The following EZH1 variants were observed in gnomAD, a reference collection of about 807,000 sequenced individuals.
EZH1 encodes histone-lysine N-methyltransferase EZH1.
In EZH1, 33 loss-of-function variants were observed where a neutral mutation model predicts 100.5. That is an observed-to-expected ratio of 0.33 (90% confidence interval 0.25 to 0.44). The LOEUF is 0.44. Ranked by LOEUF, EZH1 falls within the 20% of genes least tolerant of loss-of-function variation. The pLI is 1.00. For missense variants in EZH1, 475 were observed against 928.4 expected (o/e 0.51, Z 6.35); for synonymous variants, 272 against 313.8 (o/e 0.87, Z 1.41).
chr17:42,708,173 G>GATT, intron 14 of EZH1, 90 bp from the exon 15 acceptor site: 1 of 1,453,762 alleles, frequency 6.9e-7, no homozygotes, highest in Non-Finnish European at 9.2e-7. Flanking sequence ...ATTCAGAGGA[G>GATT]GCTGGTCCTA....
chr17:42,737,067 C>A (rs1194057960), intron 1 of EZH1, among the ~76,000 whole-genome samples: 1 of 149,340 alleles, frequency 6.7e-6, no homozygotes, highest in South Asian at 2.1e-4. Context: ...CTCACTGCAA[C>A]CTCCACCTTC....
Position 42,709,052 on chromosome 17 carries a change from C to T in EZH1, c.1494-136G>A, listed in dbSNP as rs116765564. ...TATCTTCCCAAACCCCTCAACAGGA[C>T]GACTTTGGTACACAGAAGCTAGAGT... On this transcript the variant is annotated intron_variant, in intron 13 of 20. Coordinates refer to ENST00000428826, the MANE Select transcript of EZH1 (RefSeq NM_001991.5). The T allele has an allele frequency of 3.0e-4, 269 of 909,958 alleles. 2 individuals are homozygous for T. The highest frequency in any genetic ancestry group is 2.6e-3 in the African/African-American group (162 of 61,288). 56.4% of individuals were successfully genotyped at this position (909,958 alleles called of 1,614,324 possible).
chr17:42,708,586 C>T (rs538413364), intron 14 of EZH1, among the ~76,000 whole-genome samples: 17 of 152,188 alleles, frequency 1.1e-4, no homozygotes, highest in African/African-American at 3.4e-4. Flanking sequence ...ACCCGGGAGG[C>T]GGAGGTTGCA....
At chr17:42,729,066 T>C in intron 2 of EZH1, 114 bp from the exon 3 acceptor site, 1 of 1,135,564 alleles carries the variant, frequency 8.8e-7, no homozygotes, top group Non-Finnish European at 1.2e-6. Flanking sequence ...AATTTACTCA[T>C]AAAAACACAC....
intron 1 of EZH1, among the ~76,000 whole-genome samples, chr17:42,740,548 CTA>C (rs1597872488): frequency 1.3e-5 from 2 of 152,090 alleles, no homozygotes. Context: ...CAAGATCTTG[CTA>C]TGTTTCCCAG....
intron 4 of EZH1, among the ~76,000 whole-genome samples, chr17:42,725,517 G>T (rs2053802130): frequency 6.6e-6 from 1 of 151,778 alleles, no homozygotes. Context: ...CTGGACTCAA[G>T]CAATCATCCT....
At chr17:42,740,457 C>T (rs764071081) in intron 1 of EZH1, among the ~76,000 whole-genome samples, 1 of 152,140 alleles carries the variant, frequency 6.6e-6, no homozygotes, top group Non-Finnish European at 1.5e-5. Context: ...AGGATGATCT[C>T]GATCTCTTGA....
At chr17:42,736,524 A>G (rs763475248) in intron 1 of EZH1, among the ~76,000 whole-genome samples, 1 of 152,204 alleles carries the variant, frequency 6.6e-6, no homozygotes, top group Non-Finnish European at 1.5e-5. Context: ...CATTCACACC[A>G]CATCTCAAGA....
chr17:42,717,893 A>AC, intron 10 of EZH1, 83 bp downstream of exon 10: 1 of 1,205,264 alleles, frequency 8.3e-7, no homozygotes, highest in Non-Finnish European at 1.2e-6. Flanking sequence ...GTGCTATATG[A>AC]CCCCCAGAGT....
chr17:42,711,479 AC>A (rs2143747861), intron 12 of EZH1, among the ~76,000 whole-genome samples: 1 of 151,552 alleles, frequency 6.6e-6, no homozygotes, highest in Admixed American at 6.6e-5. Context: ...TCTCAAAAAA[AC>A]AAAACAAAAA....
chr17:42,707,894 C>A, intron 15 of EZH1, 64 bp downstream of exon 15: 1 of 1,605,928 alleles, frequency 6.2e-7, no homozygotes. Flanking sequence ...AGGAATGGGG[C>A]AAGCCTAGGG....
At chr17:42,726,146 T>C (rs1202259361) in intron 4 of EZH1, among the ~76,000 whole-genome samples, 1 of 149,000 alleles carries the variant, frequency 6.7e-6, no homozygotes, top group East Asian at 2.0e-4. Flanking sequence ...CTAAAAGTGC[T>C]GGGATTACAG....
chr17:42,712,724 G>A (rs963606716), intron 11 of EZH1, among the ~76,000 whole-genome samples: 6 of 151,708 alleles, frequency 4.0e-5, no homozygotes, highest in Admixed American at 6.6e-5. Context: ...GCAACATGGC[G>A]AAACCCTGTC....
chr17:42,708,135 C>T (rs1240496327), intron 14 of EZH1, 52 bp from the exon 15 acceptor site: 1 of 1,533,464 alleles, frequency 6.5e-7, no homozygotes, highest in African/African-American at 1.4e-5. Context: ...CTCCAGCTGT[C>T]TTCCCTCCCA....
intron 1 of EZH1, among the ~76,000 whole-genome samples, chr17:42,738,800 C>G (rs1336895744): frequency 1.5e-5 from 2 of 137,436 alleles, no homozygotes; most frequent in African/African-American, 5.6e-5. Flanking sequence ...CACTCTGTCA[C>G]CCAGGCTGGA....
At chr17:42,726,945 G>T (rs2053832962) in intron 4 of EZH1, among the ~76,000 whole-genome samples, 2 of 151,934 alleles carry the variant, frequency 1.3e-5, no homozygotes, top group Non-Finnish European at 2.9e-5. Context: ...TGCCTCCTAG[G>T]TTCAAGAGGT....
At chr17:42,710,676 G>A (rs2053462387) in intron 12 of EZH1, among the ~76,000 whole-genome samples, 1 of 149,224 alleles carries the variant, frequency 6.7e-6, no homozygotes, top group South Asian at 2.1e-4. Context: ...CTCTTGGCCA[G>A]GCTGGAGTGC....
At chr17:42,711,968 C>G (rs1320540154) in intron 12 of EZH1, among the ~76,000 whole-genome samples, 1 of 152,072 alleles carries the variant, frequency 6.6e-6, no homozygotes, top group East Asian at 1.9e-4. Context: ...GGAGTCCCTT[C>G]TGGGAAAGGG....
intron 12 of EZH1, 148 bp from the exon 13 acceptor site, chr17:42,710,085 G>C (rs1448613537): frequency 7.7e-6 from 5 of 652,858 alleles, no homozygotes; most frequent in Non-Finnish European, 1.1e-5. Flanking sequence ...AGTGCCACTG[G>C]AACATTGGGT....
Sources: gnomAD v4.1 joint callset for allele counts (sites outside exome capture counted in the v4.1 genomes callset) on GRCh38, gnomAD v4.1.1 for gene constraint, MANE v1.5 for transcripts, NCBI Gene and HGNC (gene_info 2026-07-23, HGNC 2026-07-21) for gene names.